The following FAM78B variants were observed in gnomAD, a reference collection of about 807,000 sequenced individuals.
The protein encoded by FAM78B is protein FAM78B.
FAM78B carries 10 observed loss-of-function variants against 20.0 expected under a neutral mutation model. The observed-to-expected ratio is 0.50, with a 90% CI of 0.31 to 0.85. FAM78B has a LOEUF of 0.85. Ranked by LOEUF, FAM78B falls within the 40% of genes least tolerant of loss-of-function variation. FAM78B has a pLI of 0.05. For missense variants in FAM78B, 283 were observed against 345.0 expected, an observed-to-expected ratio of 0.82 and a Z score of 1.42; for synonymous variants, 135 against 132.8, an observed-to-expected ratio of 1.02 and a Z score of -0.12.
intron 1 of FAM78B, among the ~76,000 whole-genome samples, chr1:166,095,850 C>T (rs1653256335): frequency 6.6e-6 from 1 of 152,114 alleles, no homozygotes; most frequent in Non-Finnish European, 1.5e-5. Flanking sequence ...ACTCCAGTGG[C>T]ACAGAGGAGT....
chr1:166,135,397 A>C (rs1655032013), intron 1 of FAM78B, among the ~76,000 whole-genome samples: 2 of 152,212 alleles, frequency 1.3e-5, no homozygotes, highest in African/African-American at 2.4e-5. Context: ...TCTAAAGCTA[A>C]AGCTGGGAGA....
chr1:166,075,491 AC>A (rs1413281290), intron 1 of FAM78B, among the ~76,000 whole-genome samples: 2 of 152,178 alleles, frequency 1.3e-5, no homozygotes, highest in Admixed American at 6.5e-5. Flanking sequence ...GACATTTTAC[AC>A]CCATCCCTGA....
chr1:166,145,777 T>G (rs16856633), intron 1 of FAM78B, among the ~76,000 whole-genome samples: 2,410 of 152,312 alleles, frequency 0.016, 67 homozygotes, highest in African/African-American at 0.055. Flanking sequence ...GGCTGCACAT[T>G]AAACTGATGT....
At chr1:166,079,733 G>A (rs1280685460) in intron 1 of FAM78B, among the ~76,000 whole-genome samples, 1 of 152,174 alleles carries the variant, frequency 6.6e-6, no homozygotes, top group African/African-American at 2.4e-5. Context: ...ACTTGTCTAG[G>A]TAGGAGGATA....
intron 1 of FAM78B, 150 bp downstream of exon 1, chr1:166,165,836 T>G (rs1656349600): frequency 2.3e-5 from 19 of 830,016 alleles, no homozygotes; most frequent in African/African-American, 3.5e-5. Context: ...AACAAAAGCG[T>G]AGGGAGGAGG....
chr1:166,156,155 C>T (rs73046953), intron 1 of FAM78B, among the ~76,000 whole-genome samples: 7 of 152,244 alleles, frequency 4.6e-5, no homozygotes, highest in African/African-American at 1.4e-4. Flanking sequence ...AGAGGCTTTG[C>T]GAGGCAGGCC....
chr1:166,101,185 C>T (rs1270887425), intron 1 of FAM78B, among the ~76,000 whole-genome samples: 1 of 152,190 alleles, frequency 6.6e-6, no homozygotes, highest in Non-Finnish European at 1.5e-5. Context: ...ACCAAAACCC[C>T]ATCTGTACAT....
rs555655246 is a variant in FAM78B, at chr1:166,164,275, A to C, written c.263+1711T>G. On this transcript the variant is annotated intron_variant, in intron 1 of 1. Coordinates refer to ENST00000354422, the MANE Select transcript of FAM78B (RefSeq NM_001017961.5). Reference sequence around the variant, plus strand: ...TGGGGAGCACTTGCTGTCCTCCAGCAACCCACTGCCATCAGGGTGAGGCCA... The same window carrying C: ...TGGGGAGCACTTGCTGTCCTCCAGCCACCCACTGCCATCAGGGTGAGGCCA... 3.5e-4 allele frequency among the ~76,000 whole-genome samples: 53 copies of C among 152,354 alleles called. 1 individual carries two copies. The highest frequency in any genetic ancestry group is 3.5e-3 in the Admixed American group (53 of 15,300).
At chr1:166,152,453 G>A (rs918775954) in intron 1 of FAM78B, among the ~76,000 whole-genome samples, 1 of 152,064 alleles carries the variant, frequency 6.6e-6, no homozygotes, top group African/African-American at 2.4e-5. Flanking sequence ...CGTATTTTAG[G>A]ATCTACTCTT....
intron 1 of FAM78B, among the ~76,000 whole-genome samples, chr1:166,106,295 T>C (rs1296724013): frequency 1.3e-5 from 2 of 151,372 alleles, no homozygotes; most frequent in East Asian, 2.0e-4. Flanking sequence ...ACATGGCACA[T>C]GTATACATAT....
intron 1 of FAM78B, among the ~76,000 whole-genome samples, chr1:166,113,510 G>A (rs1243288543): frequency 6.6e-6 from 1 of 152,226 alleles, no homozygotes; most frequent in African/African-American, 2.4e-5. Flanking sequence ...TCACTGGGGT[G>A]TGAATGCCCA....
chr1:166,086,687 CTGAGCTGGGGCAGGAGA>C (rs1035795375), intron 1 of FAM78B, among the ~76,000 whole-genome samples: 10 of 152,192 alleles, frequency 6.6e-5, no homozygotes. Context: ...CCGGCAGCAG[CTGAGCTGGGGCAGGAGA>C]TATAAAGATG....
At chr1:166,159,732 C>T (rs962731476) in intron 1 of FAM78B, among the ~76,000 whole-genome samples, 1 of 152,232 alleles carries the variant, frequency 6.6e-6, no homozygotes, top group Non-Finnish European at 1.5e-5. Context: ...AATTTGTTAA[C>T]TTCCCATTTG....
In FAM78B at chr1:166,166,451, G is replaced by A. The variant is rs1275602988; in HGVS notation, c.-203C>T. 3 of 235,858 alleles carry A rather than the reference G, an allele frequency of 1.3e-5. No homozygotes were observed. The highest frequency in any genetic ancestry group is 2.3e-5 in the African/African-American group (1 of 42,740). 14.6% of individuals were successfully genotyped at this position (235,858 alleles called of 1,614,324 possible). A position where few individuals can be genotyped will look rare whatever the true frequency, so the allele number is the denominator to read the frequency against. On this transcript the variant is annotated 5_prime_UTR_variant, in exon 1 of 2. It adds an upstream start codon to the 5' untranslated region. Transcript: ENST00000354422. Reference sequence around the variant, plus strand: ...CGCGCGGGGTCCCCGCTGCCCCGACGTCCGCCCACGCCCGCCCCCTCGCTC... The same window carrying A: ...CGCGCGGGGTCCCCGCTGCCCCGACATCCGCCCACGCCCGCCCCCTCGCTC...
At chr1:166,118,984 C>T (rs553384735) in intron 1 of FAM78B, among the ~76,000 whole-genome samples, 14 of 152,242 alleles carry the variant, frequency 9.2e-5, no homozygotes, top group African/African-American at 3.4e-4. Flanking sequence ...AGGGTCACTA[C>T]GCCTGTCTGC....
chr1:166,066,410 G>C (rs1651797138), downstream of FAM78B, among the ~76,000 whole-genome samples: 1 of 151,512 alleles, frequency 6.6e-6, no homozygotes, highest in African/African-American at 2.4e-5. Flanking sequence ...CAGTGTAGAT[G>C]AAAGGGACTA....
intron 1 of FAM78B, among the ~76,000 whole-genome samples, chr1:166,133,838 T>C (rs1052063358): frequency 6.6e-6 from 1 of 152,146 alleles, no homozygotes; most frequent in Non-Finnish European, 1.5e-5. Context: ...GGAACTCCCA[T>C]CTCCTTTCTC....
Position 166,069,484 on chromosome 1 carries a change from A to G in FAM78B, c.*757T>C, listed in dbSNP as rs142241715. The G allele has an allele frequency of 4.6e-5, 7 of 152,334 alleles. No individual in the cohort carries two copies. In the East Asian group the frequency reaches 1.2e-3, roughly 25 times the overall value. The allele number at this position is 152,334 out of a possible 1,614,324, so 9.4% of individuals were successfully genotyped here. ...GGGCCCCAAATATCATAACTATTGC[A>G]GAATGTGGGAATTACAAAGCCAAAT... is the stretch of plus-strand genomic sequence containing the variant. On this transcript the variant is annotated 3_prime_UTR_variant, in exon 2 of 2. Coordinates refer to ENST00000354422, the MANE Select transcript of FAM78B (RefSeq NM_001017961.5).
intron 1 of FAM78B, among the ~76,000 whole-genome samples, chr1:166,117,748 C>A (rs1190470565): frequency 6.6e-6 from 1 of 152,128 alleles, no homozygotes; most frequent in Non-Finnish European, 1.5e-5. Context: ...ATATTCTAAA[C>A]CTTTTTCCTA....
Sources: allele counts gnomAD v4.1 joint callset (sites outside exome capture counted in the v4.1 genomes callset), GRCh38; gene constraint gnomAD v4.1.1; transcripts MANE v1.5; gene names NCBI Gene and HGNC (gene_info 2026-07-23, HGNC 2026-07-21).